Variants in DGKI observed in about 807,000 individuals in gnomAD.
DGKI encodes the protein diacylglycerol kinase iota, also known as DAG kinase iota.
In DGKI, 55 loss-of-function variants were observed where a neutral mutation model predicts 147.5. The ratio of observed to expected loss-of-function variants is 0.37; its 90% CI spans 0.30 to 0.47. The LOEUF is 0.47. Ranked by LOEUF, DGKI falls within the 20% of genes least tolerant of loss-of-function variation. The probability of loss-of-function intolerance (pLI) is 1.00; values close to 1 mark genes in which losing one functional copy is unlikely to be tolerated. For synonymous variants in DGKI, 469 were observed against 477.1 expected, an observed-to-expected ratio of 0.98 and a Z score of 0.22; for missense variants, 1,007 against 1,323.8, an observed-to-expected ratio of 0.76 and a Z score of 3.71.
chr7:137,389,898 T>C lies in DGKI; in HGVS notation c.*1322A>G, dbSNP rs1620590. The C allele has an allele frequency of 1, 152,364 of 152,364 alleles. 76,182 individuals carry two copies. The highest frequency in any genetic ancestry group is 1 in the Non-Finnish European group (68,046 of 68,046). 9.4% of individuals were successfully genotyped at this position (152,364 alleles called of 1,614,324 possible). ...CCCCATACATAGAAAATGGGGTTAT[T>C]AAGTACGACCTTTGGACCTGACAAA... On this transcript the variant is annotated 3_prime_UTR_variant, in exon 33 of 33. Coordinates refer to ENST00000614521, the MANE Select transcript of DGKI (RefSeq NM_001321708.2).
chr7:137,409,836 G>A (rs1005988020), intron 29 of DGKI, among the ~76,000 whole-genome samples: 1 of 151,870 alleles, frequency 6.6e-6, no homozygotes, highest in Non-Finnish European at 1.5e-5. Flanking sequence ...TTCACACAGG[G>A]GTGGCTCCAG....
chr7:137,449,869 T>C (rs1460388955), intron 27 of DGKI, among the ~76,000 whole-genome samples: 1 of 152,118 alleles, frequency 6.6e-6, no homozygotes, highest in East Asian at 1.9e-4. Context: ...ATAGCCAAGA[T>C]ATGGAATCAA....
intron 6 of DGKI, among the ~76,000 whole-genome samples, chr7:137,638,615 C>CATATATATATGTGTGTATATAT (rs1383387447): frequency 2.4e-4 from 2 of 8,224 alleles, no homozygotes; most frequent in Non-Finnish European, 5.5e-4. Flanking sequence ...TATATATACA[C>CATATATATATGTGTGTATATAT]ACACACATAT....
chr7:137,493,706 G>A (rs1815856590), intron 21 of DGKI: 3 of 698,584 alleles, frequency 4.3e-6, no homozygotes, highest in Non-Finnish European at 7.8e-6. Flanking sequence ...AAAGACTGAA[G>A]GAAAATCAGC....
intron 16 of DGKI, among the ~76,000 whole-genome samples, chr7:137,577,866 A>C (rs1819042123): frequency 6.6e-6 from 1 of 152,228 alleles, no homozygotes; most frequent in Non-Finnish European, 1.5e-5. Context: ...ATATTCTGCC[A>C]GTTTCTAATC....
At chr7:137,570,465 ATAAG>A (rs1258987493) in intron 19 of DGKI, among the ~76,000 whole-genome samples, 1 of 152,224 alleles carries the variant, frequency 6.6e-6, no homozygotes, top group East Asian at 1.9e-4. Context: ...CATTTTACTC[ATAAG>A]TAAGACGGAT....
intron 28 of DGKI, among the ~76,000 whole-genome samples, chr7:137,422,456 T>C (rs1812609445): frequency 1.3e-5 from 2 of 152,252 alleles, no homozygotes; most frequent in South Asian, 2.1e-4. Flanking sequence ...AGCTATTCCC[T>C]TAAAACTAGA....
chr7:137,782,414 A>G (rs1585485278), intron 1 of DGKI, among the ~76,000 whole-genome samples: 1 of 151,844 alleles, frequency 6.6e-6, no homozygotes, highest in Non-Finnish European at 1.5e-5. Context: ...TGGGAACCAC[A>G]CCCCCATCCC....
intron 1 of DGKI, among the ~76,000 whole-genome samples, chr7:137,805,882 C>T (rs866749064): frequency 3.9e-5 from 6 of 152,232 alleles, no homozygotes; most frequent in African/African-American, 1.4e-4. Context: ...TCATACAGGT[C>T]AGCCAAGGCT....
intron 1 of DGKI, among the ~76,000 whole-genome samples, chr7:137,739,935 A>G (rs1795130872): frequency 6.6e-6 from 1 of 152,110 alleles, no homozygotes; most frequent in Non-Finnish European, 1.5e-5. Flanking sequence ...AACTATTCCC[A>G]CTGGTGTTGC....
intron 1 of DGKI, among the ~76,000 whole-genome samples, chr7:137,764,870 T>G (rs1203765200): frequency 6.6e-6 from 1 of 152,198 alleles, no homozygotes; most frequent in African/African-American, 2.4e-5. Flanking sequence ...CAGTACTTCC[T>G]TCTTTCTGCC....
chr7:137,749,645 G>GTTT (rs1795439900), intron 1 of DGKI, among the ~76,000 whole-genome samples: 1 of 152,206 alleles, frequency 6.6e-6, no homozygotes, highest in African/African-American at 2.4e-5. Flanking sequence ...TTTGTGGACT[G>GTTT]AGTGCTTGAG....
chr7:137,399,355 A>T (rs1337483133), intron 30 of DGKI, among the ~76,000 whole-genome samples: 1 of 152,190 alleles, frequency 6.6e-6, no homozygotes, highest in Non-Finnish European at 1.5e-5. Flanking sequence ...CAAAGATTTA[A>T]CTCATACCTC....
chr7:137,431,094 T>C (rs933002398), intron 28 of DGKI, among the ~76,000 whole-genome samples: 1 of 152,134 alleles, frequency 6.6e-6, no homozygotes, highest in African/African-American at 2.4e-5. Context: ...AAGAATGGCT[T>C]TGGGTAGACC....
intron 5 of DGKI, among the ~76,000 whole-genome samples, chr7:137,654,258 A>G (rs1822139709): frequency 6.6e-6 from 1 of 152,200 alleles, no homozygotes; most frequent in Non-Finnish European, 1.5e-5. Flanking sequence ...GCCCAAGATC[A>G]CACACATCAA....
intron 1 of DGKI, among the ~76,000 whole-genome samples, chr7:137,762,799 G>A (rs776395414): frequency 1.2e-4 from 19 of 152,096 alleles, no homozygotes; most frequent in Admixed American, 5.9e-4. Flanking sequence ...TACAGGATAC[G>A]TCTGCCTCCT....
chr7:137,599,699 G>A (rs943976561), intron 11 of DGKI, 124 bp downstream of exon 11: 5 of 785,236 alleles, frequency 6.4e-6, no homozygotes, highest in African/African-American at 5.2e-5. Flanking sequence ...AGGAAGGAGA[G>A]TACAGGTGAG....
intron 23 of DGKI, among the ~76,000 whole-genome samples, chr7:137,479,765 T>G (rs1815306600): frequency 6.6e-6 from 1 of 152,178 alleles, no homozygotes. Flanking sequence ...AATAATCACC[T>G]TACTTTTAAA....
intron 1 of DGKI, among the ~76,000 whole-genome samples, chr7:137,701,716 T>G (rs906762085): frequency 2.6e-5 from 4 of 152,164 alleles, no homozygotes; most frequent in African/African-American, 9.6e-5. Flanking sequence ...ATACCATATT[T>G]GTGTATTGAA....
Sources: gnomAD v4.1 joint callset for allele counts (sites outside exome capture counted in the v4.1 genomes callset) on GRCh38, gnomAD v4.1.1 for gene constraint, MANE v1.5 for transcripts, NCBI Gene and HGNC (gene_info 2026-07-23, HGNC 2026-07-21) for gene names.